The following FRMD4A variants were observed in gnomAD, a reference collection of about 807,000 sequenced individuals.
FRMD4A encodes FERM domain containing 4A, also known as FERM domain-containing protein 4A.
FRMD4A carries 29 observed loss-of-function variants against 129.1 expected under a neutral mutation model. The observed-to-expected ratio is 0.22, with a 90% confidence interval of 0.17 to 0.31. The LOEUF (loss-of-function observed/expected upper bound fraction) is 0.31, where lower values mean the gene tolerates loss of function less well. Ranked by LOEUF, FRMD4A falls within the 10% of genes least tolerant of loss-of-function variation. The pLI is 1.00. For missense variants in FRMD4A, 1,272 were observed against 1,375.8 expected (o/e 0.92, Z 1.19); for synonymous variants, 634 against 571.6 (o/e 1.11, Z -1.56).
At chr10:13,941,089 G>A (rs757754205) in intron 2 of FRMD4A, among the ~76,000 whole-genome samples, 12 of 152,156 alleles carry the variant, frequency 7.9e-5, no homozygotes, top group African/African-American at 1.4e-4. Flanking sequence ...AATGCAAATC[G>A]TGTGATATGG....
intron 2 of FRMD4A, among the ~76,000 whole-genome samples, chr10:14,093,261 C>T (rs1014557055): frequency 6.6e-6 from 1 of 152,154 alleles, no homozygotes; most frequent in Non-Finnish European, 1.5e-5. Context: ...AGGTTAAAAA[C>T]CAGGCAGCAC....
intron 17 of FRMD4A, among the ~76,000 whole-genome samples, chr10:13,668,840 C>A (rs1239718147): frequency 1.3e-5 from 2 of 152,092 alleles, no homozygotes; most frequent in Non-Finnish European, 2.9e-5. Context: ...AATACCCGAC[C>A]TCAATCCCTC....
At chr10:13,822,983 T>C (rs2093651314) in intron 3 of FRMD4A, among the ~76,000 whole-genome samples, 1 of 152,092 alleles carries the variant, frequency 6.6e-6, no homozygotes, top group South Asian at 2.1e-4. Flanking sequence ...TCCCTCTCCT[T>C]CCCCTTTATG....
intron 3 of FRMD4A, among the ~76,000 whole-genome samples, chr10:13,839,284 G>GT (rs1263603533): frequency 6.6e-6 from 1 of 152,120 alleles, no homozygotes; most frequent in Non-Finnish European, 1.5e-5. Flanking sequence ...AGAATTACAG[G>GT]TGTGAGCCAC....
At chr10:14,287,305 A>G (rs572879149) in intron 2 of FRMD4A, among the ~76,000 whole-genome samples, 30 of 152,330 alleles carry the variant, frequency 2.0e-4, no homozygotes, top group African/African-American at 6.5e-4. Flanking sequence ...GCTTTCTTAC[A>G]TGTTCTGCAC....
intron 2 of FRMD4A, among the ~76,000 whole-genome samples, chr10:14,283,346 T>A (rs1157396354): frequency 5.3e-5 from 8 of 152,184 alleles, no homozygotes; most frequent in Non-Finnish European, 2.9e-5. Context: ...TGGCAATAGT[T>A]GAAAAGCTGA....
intron 2 of FRMD4A, among the ~76,000 whole-genome samples, chr10:14,249,067 C>G (rs970297540): frequency 2.9e-4 from 44 of 152,146 alleles, no homozygotes; most frequent in African/African-American, 1.1e-3. Context: ...ATTAAAATAA[C>G]CGGCCGGATG....
intron 3 of FRMD4A, among the ~76,000 whole-genome samples, chr10:13,843,656 C>G (rs540014132): frequency 2.0e-5 from 3 of 152,150 alleles, no homozygotes; most frequent in Non-Finnish European, 4.4e-5. Flanking sequence ...CACCACCATG[C>G]CTGGCTAAGT....
chr10:13,847,224 A>G (rs1426860466), intron 3 of FRMD4A, among the ~76,000 whole-genome samples: 2 of 152,174 alleles, frequency 1.3e-5, no homozygotes, highest in East Asian at 3.9e-4. Context: ...GTTCAGTCAC[A>G]AAGACCTAGT....
intron 2 of FRMD4A, among the ~76,000 whole-genome samples, chr10:13,968,495 C>G (rs2095498683): frequency 6.6e-6 from 1 of 152,236 alleles, no homozygotes; most frequent in Non-Finnish European, 1.5e-5. Context: ...TCTTCTCACC[C>G]AGGCTGGAGC....
chr10:13,800,175 C>T (rs1002784096), intron 4 of FRMD4A, among the ~76,000 whole-genome samples: 1 of 152,122 alleles, frequency 6.6e-6, no homozygotes, highest in African/African-American at 2.4e-5. Context: ...GAGCGAGACT[C>T]CATCTCAAAA....
At chr10:14,123,059 C>A (rs1838622796) in intron 2 of FRMD4A, among the ~76,000 whole-genome samples, 1 of 151,860 alleles carries the variant, frequency 6.6e-6, no homozygotes, top group Non-Finnish European at 1.5e-5. Context: ...TTATACTATT[C>A]TATTTTTGAA....
At chr10:14,166,484 G>A (rs1841182902) in intron 2 of FRMD4A, among the ~76,000 whole-genome samples, 1 of 152,048 alleles carries the variant, frequency 6.6e-6, no homozygotes, top group Non-Finnish European at 1.5e-5. Flanking sequence ...TGTTTTATCT[G>A]GAAAATAATC....
rs377449643 is a variant in FRMD4A at position 14,191,408 on chromosome 10, G to C, written c.45+138650C>G. 2.6e-4 allele frequency among the ~76,000 whole-genome samples: 40 copies of C among 152,298 alleles called. 1 individual carries two copies. Among genetic ancestry groups the C allele is most frequent in the African/African-American group, 8.2e-4 (34 of 41,570 alleles). ...CCAGTAGAAGTGCCAGCTCCTAAGA[G>C]AAAGGATATCAAGGGACAGCCATAG... On this transcript the variant is annotated intron_variant, in intron 2 of 24. Coordinates refer to ENST00000357447, the MANE Select transcript of FRMD4A (RefSeq NM_018027.5).
At chr10:14,209,197 A>G (rs936393598) in intron 2 of FRMD4A, among the ~76,000 whole-genome samples, 4 of 151,880 alleles carry the variant, frequency 2.6e-5, no homozygotes, top group African/African-American at 9.7e-5. Flanking sequence ...CTCTCCTGAC[A>G]CTTTTCTTCT....
At chr10:14,088,504 A>C (rs958235269) in intron 2 of FRMD4A, among the ~76,000 whole-genome samples, 4 of 151,784 alleles carry the variant, frequency 2.6e-5, no homozygotes, top group Non-Finnish European at 5.9e-5. Flanking sequence ...TCAAGCCTGT[A>C]ATCCCTAATC....
chr10:14,172,492 T>C (rs1443350734), intron 2 of FRMD4A, among the ~76,000 whole-genome samples: 1 of 152,182 alleles, frequency 6.6e-6, no homozygotes, highest in Non-Finnish European at 1.5e-5. Flanking sequence ...ATTATTTGCA[T>C]AGGAAACTCC....
At chr10:13,747,232 T>G (rs961948909) in intron 9 of FRMD4A, among the ~76,000 whole-genome samples, 1 of 151,236 alleles carries the variant, frequency 6.6e-6, no homozygotes, top group Non-Finnish European at 1.5e-5. Flanking sequence ...GTGCTTCACT[T>G]AAGTAAATGT....
At chr10:13,927,252 C>A (rs200382166) in intron 2 of FRMD4A, among the ~76,000 whole-genome samples, 7 of 149,352 alleles carry the variant, frequency 4.7e-5, no homozygotes, top group African/African-American at 9.9e-5. Context: ...GACTCCGTCT[C>A]AAAAAAAAAG....
Sources: gnomAD v4.1 joint callset for allele counts (sites outside exome capture counted in the v4.1 genomes callset) on GRCh38, gnomAD v4.1.1 for gene constraint, MANE v1.5 for transcripts, NCBI Gene and HGNC (gene_info 2026-07-23, HGNC 2026-07-21) for gene names.